The following RAB31 variants were observed in gnomAD, a reference collection of about 807,000 sequenced individuals.
RAB31 encodes RAB31, member RAS oncogene family, also known as ras-related protein Rab-31.
Under a neutral mutation model 25.6 loss-of-function variants are expected in RAB31, and 21 were observed. That is an observed-to-expected ratio of 0.82 (90% CI 0.58 to 1.18). The LOEUF is 1.18. RAB31 is among the 50% of genes most tolerant of loss of function. The pLI is 0.00. For synonymous variants in RAB31, 87 were observed against 84.0 expected, an observed-to-expected ratio of 1.04 and a Z score of -0.20; for missense variants, 196 against 250.1, an observed-to-expected ratio of 0.78 and a Z score of 1.46.
chr18:9,772,387 C>T (rs10853383), intron 1 of RAB31, among the ~76,000 whole-genome samples: 80,969 of 151,966 alleles, frequency 0.53, 21,826 homozygotes, highest in East Asian at 0.75. Flanking sequence ...AGGAGCAAAT[C>T]GAGGAGTTGT....
Position 9,827,321 on chromosome 18 carries a change from C to T in RAB31, c.380+12099C>T, listed in dbSNP as rs550816066. On this transcript the variant is annotated intron_variant, in intron 5 of 6. Transcript: ENST00000578921. Reference sequence around the variant, plus strand: ...TGCCGATGGGAGAAGACCCCTCAGACCTAGTTTATTTTATCTTACAAGTGG... The same window carrying T: ...TGCCGATGGGAGAAGACCCCTCAGATCTAGTTTATTTTATCTTACAAGTGG... Among the ~76,000 whole-genome samples, 7 of 152,076 alleles carry T rather than the reference C, an allele frequency of 4.6e-5. No individual in the cohort carries two copies. In the South Asian group the frequency reaches 1.0e-3, roughly 23 times the overall value.
At chr18:9,730,329 C>T (rs1046402146) in intron 1 of RAB31, among the ~76,000 whole-genome samples, 7 of 150,940 alleles carry the variant, frequency 4.6e-5, no homozygotes, top group Non-Finnish European at 5.9e-5. Context: ...CTCTGTTGCC[C>T]GGGCTGGAGT....
chr18:9,719,391 G>A (rs1407602478), intron 1 of RAB31, among the ~76,000 whole-genome samples: 7 of 135,512 alleles, frequency 5.2e-5, no homozygotes, highest in Admixed American at 2.4e-4. Flanking sequence ...AATGATACAT[G>A]CTGTTGTAGT....
intron 1 of RAB31, among the ~76,000 whole-genome samples, chr18:9,772,400 C>G (rs921686378): frequency 6.6e-6 from 1 of 152,190 alleles, no homozygotes; most frequent in African/African-American, 2.4e-5. Context: ...GGAGTTGTCT[C>G]CTGAGCTCAG....
At chr18:9,767,582 C>T (rs74408586) in intron 1 of RAB31, among the ~76,000 whole-genome samples, 14,826 of 152,070 alleles carry the variant, frequency 0.097, 810 homozygotes, top group South Asian at 0.21. Context: ...AGGGCTGGGT[C>T]GAAAAGATTT....
At chr18:9,753,140 C>A (rs2068243755) in intron 1 of RAB31, among the ~76,000 whole-genome samples, 1 of 152,150 alleles carries the variant, frequency 6.6e-6, no homozygotes, top group Non-Finnish European at 1.5e-5. Flanking sequence ...ACCAAAGTTG[C>A]TCAATTATAA....
chr18:9,760,162 CT>C (rs199586081), intron 1 of RAB31, among the ~76,000 whole-genome samples: 6 of 58,578 alleles, frequency 1.0e-4, no homozygotes, highest in East Asian at 1.3e-3. Flanking sequence ...TCTTTCTTTT[CT>C]TTTTGTTTTT....
At chr18:9,826,491 A>G (rs531196280) in intron 5 of RAB31, among the ~76,000 whole-genome samples, 1 of 129,060 alleles carries the variant, frequency 7.7e-6, no homozygotes, top group Non-Finnish European at 1.7e-5. Flanking sequence ...AAGCATTTCC[A>G]GGGCCTCTCT....
At chr18:9,718,732 C>T (rs945148788) in intron 1 of RAB31, among the ~76,000 whole-genome samples, 9 of 152,106 alleles carry the variant, frequency 5.9e-5, no homozygotes, top group Non-Finnish European at 7.4e-5. Flanking sequence ...GGTGCCAATA[C>T]GGGCAGGTTC....
At chr18:9,772,154 T>C (rs1032503175) in intron 1 of RAB31, among the ~76,000 whole-genome samples, 8 of 152,184 alleles carry the variant, frequency 5.3e-5, no homozygotes, top group Non-Finnish European at 8.8e-5. Context: ...GTCCATTGTT[T>C]TGAGCACATC....
Position 9,742,368 on chromosome 18 carries a change from G to C in RAB31, c.40-32910G>C, listed in dbSNP as rs977750392. Reference sequence around the variant, plus strand: ...GAACAGTCCTCCCATTTGTCTGGGCGGATGGTCCGGAAGAGCAAAGACATG... The same window carrying C: ...GAACAGTCCTCCCATTTGTCTGGGCCGATGGTCCGGAAGAGCAAAGACATG... On this transcript the variant is annotated intron_variant, in intron 1 of 6. Transcript: ENST00000578921. Among the ~76,000 whole-genome samples, 6 of 152,168 alleles carry C rather than the reference G, an allele frequency of 3.9e-5. No individual in the cohort carries two copies. The South Asian group carries it at 1.2e-3, about 32-fold the overall frequency.
chr18:9,781,417 A>C (rs960301845), intron 2 of RAB31, among the ~76,000 whole-genome samples: 4 of 152,136 alleles, frequency 2.6e-5, no homozygotes, highest in Non-Finnish European at 4.4e-5. Context: ...CCCAGGTTCA[A>C]GCAATTCTCA....
intron 1 of RAB31, among the ~76,000 whole-genome samples, chr18:9,713,162 G>A (rs757076086): frequency 1.8e-4 from 27 of 152,226 alleles, no homozygotes; most frequent in Non-Finnish European, 3.8e-4. Context: ...ATCCAATAAG[G>A]TGATAAGAAT....
At chr18:9,849,162 G>GA (rs1216165160) in intron 6 of RAB31, among the ~76,000 whole-genome samples, 1 of 152,028 alleles carries the variant, frequency 6.6e-6, no homozygotes, top group African/African-American at 2.4e-5. Context: ...TACACCCAAG[G>GA]AAGAAAAGTA....
intron 1 of RAB31, among the ~76,000 whole-genome samples, chr18:9,743,016 A>G (rs1236626554): frequency 1.3e-5 from 2 of 152,260 alleles, no homozygotes; most frequent in East Asian, 3.8e-4. Flanking sequence ...CTCGGACTGT[A>G]GCAAACATGG....
At chr18:9,826,857 C>G (rs1034390245) in intron 5 of RAB31, among the ~76,000 whole-genome samples, 1 of 152,030 alleles carries the variant, frequency 6.6e-6, no homozygotes, top group South Asian at 2.1e-4. Context: ...GGATCCTCCG[C>G]GAAGGAGGGA....
chr18:9,723,349 G>A (rs980176901), intron 1 of RAB31, among the ~76,000 whole-genome samples: 22 of 152,090 alleles, frequency 1.4e-4, no homozygotes, highest in Non-Finnish European at 2.9e-5. Context: ...TGCCTGGCCT[G>A]TAAAAGCATT....
At chr18:9,782,254 C>T (rs909846444) in intron 2 of RAB31, among the ~76,000 whole-genome samples, 8 of 152,216 alleles carry the variant, frequency 5.3e-5, no homozygotes, top group African/African-American at 1.7e-4. Context: ...TTGGCGGTAA[C>T]CCTGCTGGCC....
At chr18:9,837,604 TA>T (rs1242128148) in intron 5 of RAB31, among the ~76,000 whole-genome samples, 2 of 151,982 alleles carry the variant, frequency 1.3e-5, no homozygotes, top group African/African-American at 4.8e-5. Context: ...CAATTACAAA[TA>T]AATAAGAGGG....
Sources: gnomAD v4.1 joint callset for allele counts (sites outside exome capture counted in the v4.1 genomes callset) on GRCh38, gnomAD v4.1.1 for gene constraint, MANE v1.5 for transcripts, NCBI Gene and HGNC (gene_info 2026-07-23, HGNC 2026-07-21) for gene names.